KLRK1: variants seen among roughly 807,000 people sequenced by gnomAD.
KLRK1 encodes the protein NKG2-D type II integral membrane protein.
In KLRK1, 40 loss-of-function variants were observed where a neutral mutation model predicts 31.3. The ratio of observed to expected loss-of-function variants is 1.28; its 90% CI spans 0.99 to 1.67. The LOEUF (loss-of-function observed/expected upper bound fraction) is 1.67, where lower values mean the gene tolerates loss of function less well. KLRK1 is among the 40% of genes most tolerant of loss of function. KLRK1 has a pLI of 0.00. For missense variants in KLRK1, 251 were observed against 260.0 expected, an observed-to-expected ratio of 0.97 and a Z score of 0.24; for synonymous variants, 77 against 77.3, an observed-to-expected ratio of 1.00 and a Z score of 0.02.
intron 6 of KLRK1, 128 bp from the exon 7 acceptor site, chr12:10,378,363 T>C (rs1863004517): frequency 7.7e-7 from 1 of 1,303,986 alleles, no homozygotes; most frequent in Non-Finnish European, 1.1e-6. Context: ...ACTGGCATAA[T>C]TCTCATCCGA....
At chr12:10,374,397 C>CTTTT (rs35414446) in intron 7 of KLRK1, among the ~76,000 whole-genome samples, 3 of 131,858 alleles carry the variant, frequency 2.3e-5, no homozygotes, top group African/African-American at 6.1e-5. Context: ...TCCTCTCTCT[C>CTTTT]TTTTTTTTTT....
chr12:10,383,928 C>G (rs1394525826), intron 3 of KLRK1, among the ~76,000 whole-genome samples: 1 of 152,046 alleles, frequency 6.6e-6, no homozygotes, highest in Admixed American at 6.6e-5. Context: ...GATCAAAAAT[C>G]TGCATACAAA....
intron 7 of KLRK1, among the ~76,000 whole-genome samples, chr12:10,374,479 A>C (rs1482495934): frequency 2.1e-5 from 3 of 142,298 alleles, no homozygotes; most frequent in Admixed American, 7.2e-5. Flanking sequence ...TGCAACCTCC[A>C]CCTCCTGGGT....
intron 3 of KLRK1, among the ~76,000 whole-genome samples, chr12:10,386,667 G>A (rs987430741): frequency 2.0e-5 from 3 of 151,342 alleles, no homozygotes; most frequent in Admixed American, 6.6e-5. Flanking sequence ...CTCCTGCCTC[G>A]ATTATATTAT....
intron 7 of KLRK1, among the ~76,000 whole-genome samples, chr12:10,374,397 C>CTTTTTTTTTTTTTTT (rs35414446): frequency 2.3e-5 from 3 of 131,858 alleles, no homozygotes; most frequent in African/African-American, 9.1e-5. Context: ...TCCTCTCTCT[C>CTTTTTTTTTTTTTTT]TTTTTTTTTT....
At chr12:10,378,849 T>TCTATGAATATGTAG in intron 5 of KLRK1, 144 bp from the exon 6 acceptor site, 1 of 982,554 alleles carries the variant, frequency 1.0e-6, no homozygotes, top group Non-Finnish European at 1.4e-6. Flanking sequence ...GGCATATCTC[T>TCTATGAATATGTAG]ACATATTCAT....
chr12:10,375,583 A>G (rs1242786597), intron 7 of KLRK1, among the ~76,000 whole-genome samples: 1 of 152,206 alleles, frequency 6.6e-6, no homozygotes, highest in African/African-American at 2.4e-5. Flanking sequence ...TCAAATATCT[A>G]AAGTCCCCTT....
chr12:10,374,536 A>T (rs961570984), intron 7 of KLRK1, among the ~76,000 whole-genome samples: 1 of 151,968 alleles, frequency 6.6e-6, no homozygotes, highest in Non-Finnish European at 1.5e-5. Flanking sequence ...CTGGGGTTAC[A>T]GGCACTTGCC....
chr12:10,379,956 T>C (rs1863039840), intron 3 of KLRK1, 164 bp from the exon 4 acceptor site: 2 of 448,220 alleles, frequency 4.5e-6, no homozygotes, highest in Admixed American at 4.0e-5. Context: ...TCGCAAATGA[T>C]CAAAAACTAG....
intron 3 of KLRK1, 61 bp downstream of exon 3, chr12:10,386,841 CA>C (rs1863174456): frequency 6.0e-6 from 8 of 1,322,314 alleles, no homozygotes; most frequent in Non-Finnish European, 7.2e-6. Context: ...TTCATTTAAT[CA>C]CATAGTTTCC....
Position 10,373,178 on chromosome 12 carries a change from A to G in KLRK1, c.587T>C (p.Phe196Ser). ...TGAACAGTTTTCTATATAGCCTTTA[A>G]AGCTCGAGGCATAGAGTGCACAGTC... The part of the protein sequence containing the change: ...KGDCALYASS[F>S]KGYIENCSTP... The change falls in exon 8 of 8, where the codon TTT becomes TCT. Residue 196 changes from phenylalanine (F) to serine (S), a missense_variant. Physicochemically the swap from Phe to Ser is radical, Grantham distance 155. Coordinates refer to ENST00000240618, the MANE Select transcript of KLRK1 (RefSeq NM_007360.4). 2 of 1,612,006 alleles carry G rather than the reference A, an allele frequency of 1.2e-6. No homozygotes were observed. The highest frequency in any genetic ancestry group is 8.5e-7 in the Non-Finnish European group (1 of 1,179,310).
intron 7 of KLRK1, among the ~76,000 whole-genome samples, chr12:10,377,238 C>T (rs1862984059): frequency 6.6e-6 from 1 of 152,132 alleles, no homozygotes; most frequent in Non-Finnish European, 1.5e-5. Flanking sequence ...ATCATCACCA[C>T]TTTGGATAAC....
At chr12:10,375,673 C>T (rs59969388) in intron 7 of KLRK1, among the ~76,000 whole-genome samples, 4,770 of 152,214 alleles carry the variant, frequency 0.031, 210 homozygotes, top group African/African-American at 0.11. Flanking sequence ...AAAGGAAAAG[C>T]AGTAGTGACA....
intron 3 of KLRK1, among the ~76,000 whole-genome samples, chr12:10,386,061 A>T (rs1863162401): frequency 6.6e-6 from 1 of 151,548 alleles, no homozygotes. Context: ...AAATTTATAA[A>T]TAGCTGCATT....
At position 10,373,073 on chromosome 12, in the gene KLRK1, T is replaced by C; in HGVS notation, c.*41A>G. On this transcript the variant is annotated 3_prime_UTR_variant, in exon 8 of 8. Coordinates refer to ENST00000240618, the MANE Select transcript of KLRK1 (RefSeq NM_007360.4). ...TGGCAGTGTTACCGCTGGTGTAATCTCTTCTCTGTTCCTGGCTTTTATTGA... is the reference window on the plus strand; with the variant it reads ...TGGCAGTGTTACCGCTGGTGTAATCCCTTCTCTGTTCCTGGCTTTTATTGA... 1 of 1,570,632 alleles carries C rather than the reference T, an allele frequency of 6.4e-7. No homozygotes were observed. Among genetic ancestry groups the C allele is most frequent in the South Asian group, 1.1e-5 (1 of 88,770 alleles).
At chr12:10,385,367 G>GAGACACACAC (rs1555120370) in intron 3 of KLRK1, among the ~76,000 whole-genome samples, 2 of 145,822 alleles carry the variant, frequency 1.4e-5, no homozygotes, top group East Asian at 4.0e-4. Flanking sequence ...AGCACACACA[G>GAGACACACAC]ACACACACAC....
chr12:10,386,249 G>C (rs936245594), intron 3 of KLRK1, among the ~76,000 whole-genome samples: 3 of 151,944 alleles, frequency 2.0e-5, no homozygotes, highest in African/African-American at 7.2e-5. Context: ...GATAATTGTT[G>C]AGGGAAAGGG....
intron 7 of KLRK1, among the ~76,000 whole-genome samples, chr12:10,377,816 T>C (rs750265295): frequency 1.3e-5 from 2 of 152,242 alleles, no homozygotes; most frequent in Non-Finnish European, 2.9e-5. Flanking sequence ...ACATGTCTGG[T>C]AATAAATTCA....
intron 3 of KLRK1, chr12:10,381,796 A>G (rs1208924234): frequency 6.6e-6 from 1 of 152,262 alleles, no homozygotes; most frequent in Non-Finnish European, 1.5e-5. Flanking sequence ...TTAAAGAGGT[A>G]AGAAAAGATG....
Sources: allele counts gnomAD v4.1 joint callset (sites outside exome capture counted in the v4.1 genomes callset), GRCh38; gene constraint gnomAD v4.1.1; transcripts MANE v1.5; gene names NCBI Gene and HGNC (gene_info 2026-07-23, HGNC 2026-07-21).